The following KIF1A variants were observed in gnomAD, a reference collection of about 807,000 sequenced individuals.
The protein encoded by KIF1A is kinesin family member 1A.
Under a neutral mutation model 227.3 loss-of-function variants are expected in KIF1A, and 46 were observed. The observed-to-expected ratio is 0.20, with a 90% CI of 0.16 to 0.26. The LOEUF is 0.26. Among genes scored for constraint, KIF1A ranks in the 10% least tolerant of loss-of-function variants. The pLI is 1.00. For synonymous variants in KIF1A, 1,022 were observed against 1,012.8 expected (o/e 1.01, Z -0.17); for missense variants, 1,683 against 2,485.9 (o/e 0.68, Z 6.87).
chr2:240,726,784 G>T lies in KIF1A; in HGVS notation c.4122+42C>A. 3 of 1,215,898 alleles carry T rather than the reference G, an allele frequency of 2.5e-6. No homozygotes were observed. Among genetic ancestry groups the T allele is most frequent in the East Asian group, 2.4e-5 (1 of 41,458 alleles). The allele number at this position is 1,215,898 out of a possible 1,614,324, so 75.3% of individuals were successfully genotyped here. ...CTTACAAGAACCTCAAGCTTCAGGG[G>T]CTGAGTGGTTTTGGTGGAGTGCCCT... On this transcript the variant is annotated intron_variant, in intron 39 of 48. Coordinates refer to ENST00000498729, the MANE Select transcript of KIF1A (RefSeq NM_001244008.2). This position sits in a 1 kb window ranked among gnomAD's most constrained non-coding sequence, Gnocchi z 5.2.
chr2:240,814,215 A>G (rs1475551823), intron 1 of KIF1A, among the ~76,000 whole-genome samples: 1 of 152,114 alleles, frequency 6.6e-6, no homozygotes, highest in African/African-American at 2.4e-5. Context: ...GTGCCAATAA[A>G]TGCGAACCCC....
intron 1 of KIF1A, among the ~76,000 whole-genome samples, chr2:240,812,952 C>T (rs2058035550): frequency 7.0e-6 from 1 of 142,054 alleles, no homozygotes; most frequent in Non-Finnish European, 1.5e-5. Context: ...CCGCCTTCAC[C>T]TCAAGGATCC....
Position 240,775,838 on chromosome 2 carries a change from C to A in KIF1A, c.958+13G>T, listed in dbSNP as rs763694632. 6.3e-7 allele frequency: 1 copy of A among 1,585,120 alleles called. No individual in the cohort carries two copies. The highest frequency in any genetic ancestry group is 8.7e-7 in the Non-Finnish European group (1 of 1,153,490). On this transcript the variant is annotated intron_variant, in intron 11 of 48. Transcript: ENST00000498729. The surrounding 1 kb of genome is among the most constrained non-coding windows in gnomAD (Gnocchi z 5.5). The stretch of plus-strand genomic sequence containing the variant: ...TCAGAGCCCTGGGGACAGGCAAACC[C>A]ACAAGTTCTCACCCAGGTTTTCCCG...
intron 40 of KIF1A, chr2:240,724,921 A>C: frequency 5.4e-6 from 1 of 186,592 alleles, no homozygotes; most frequent in Admixed American, 9.2e-5. Context: ...TCAGGGAAGA[A>C]GGTCACCGGC....
chr2:240,820,181 G>C lies in KIF1A; in HGVS notation c.-120C>G, dbSNP rs1172839211. ...CACTGGCATGGGCGCGGGCTCTCGA[G>C]CCCGGAGCTGCTGCCGCTCGCCGGC... On this transcript the variant is annotated 5_prime_UTR_variant, in exon 1 of 49. Transcript: ENST00000498729. The surrounding 1 kb of genome is among the most constrained non-coding windows in gnomAD (Gnocchi z 6.2). 2 of 149,360 alleles carry C rather than the reference G, an allele frequency of 1.3e-5. No individual in the cohort carries two copies. The highest frequency in any genetic ancestry group is 4.9e-5 in the African/African-American group (2 of 41,034). The allele number at this position is 149,360 out of a possible 1,614,324, so 9.3% of individuals were successfully genotyped here.
At chr2:240,781,757 G>A (rs1007819276) in intron 10 of KIF1A, 1 of 985,046 alleles carries the variant, frequency 1.0e-6, no homozygotes, top group African/African-American at 1.8e-5. Context: ...TCCCCACACA[G>A]TTCCCCACAG....
rs768470447 is a variant in KIF1A at position 240,723,441 on chromosome 2, T to G, written c.4436A>C (p.Glu1479Ala). The change falls in exon 42 of 49, where the codon GAG becomes GCG. Residue 1479 changes from glutamate to alanine, a missense_variant. Transcript: ENST00000498729. ...SDSLILDHQW[E>A]LEKLSLLQEV... ...CTGCAGGAGGCTCAGCTTCTCCAGC[T>G]CCCACTGGTGGTCCAGAATGAGACT... The G allele has an allele frequency of 1.3e-6, 2 of 1,551,770 alleles. No individual in the cohort carries two copies. Among genetic ancestry groups the G allele is most frequent in the Non-Finnish European group, 1.7e-6 (2 of 1,147,758 alleles).
intron 14 of KIF1A, among the ~76,000 whole-genome samples, chr2:240,771,871 C>T (rs1181646470): frequency 6.6e-6 from 1 of 152,208 alleles, no homozygotes; most frequent in Admixed American, 6.5e-5. Context: ...GGGGCTGTGA[C>T]ATCTCTGAAG....
intron 38 of KIF1A, among the ~76,000 whole-genome samples, chr2:240,733,418 C>A (rs1368822828): frequency 6.6e-6 from 1 of 152,174 alleles, no homozygotes; most frequent in Non-Finnish European, 1.5e-5. Context: ...GCCGTGCTCC[C>A]TCCTCAGCCC....
intron 29 of KIF1A, 98 bp downstream of exon 29, chr2:240,747,138 G>T (rs375897560): frequency 2.5e-6 from 2 of 810,954 alleles, no homozygotes; most frequent in African/African-American, 1.7e-5. Context: ...CTCAGGGCCC[G>T]TGGGATGGGA....
chr2:240,744,301 C>G (rs1459546006), intron 32 of KIF1A, among the ~76,000 whole-genome samples: 3 of 152,136 alleles, frequency 2.0e-5, no homozygotes, highest in African/African-American at 7.2e-5. Flanking sequence ...CGAACAGGGG[C>G]CGCGTGGCTC....
chr2:240,812,804 C>A (rs2057987494), intron 1 of KIF1A, among the ~76,000 whole-genome samples: 1 of 148,998 alleles, frequency 6.7e-6, no homozygotes, highest in Non-Finnish European at 1.5e-5. Flanking sequence ...GCCTTCACCT[C>A]AAGATCCACC....
At chr2:240,738,746 G>A (rs1005857935) in intron 37 of KIF1A, among the ~76,000 whole-genome samples, 19 of 152,204 alleles carry the variant, frequency 1.2e-4, no homozygotes, top group Non-Finnish European at 2.5e-4. Context: ...AAGAAGGTGG[G>A]GAGAAGGTGG....
chr2:240,769,418 G>A (rs2051636905), intron 16 of KIF1A, among the ~76,000 whole-genome samples: 2 of 152,158 alleles, frequency 1.3e-5, no homozygotes, highest in African/African-American at 2.4e-5. Flanking sequence ...CAGGCCTCAG[G>A]TCTCTCAGGC....
chr2:240,737,035 C>A (rs751275146), intron 38 of KIF1A, 28 bp downstream of exon 38: 2 of 1,554,750 alleles, frequency 1.3e-6, no homozygotes, highest in Non-Finnish European at 1.8e-6. Flanking sequence ...ATGCCCTGGG[C>A]CCTGTCTCCA....
chr2:240,756,798 CCT>C (rs1161600044), intron 27 of KIF1A, among the ~76,000 whole-genome samples: 2 of 152,240 alleles, frequency 1.3e-5, no homozygotes, highest in Non-Finnish European at 2.9e-5. Flanking sequence ...CAGCCGGGAG[CCT>C]CTGTCTCTTC....
At position 240,740,989 on chromosome 2, in the gene KIF1A, C is replaced by G. The variant is rs1408637855; in HGVS notation, c.3749+280G>C. Among the ~76,000 whole-genome samples the G allele has an allele frequency of 6.6e-6, 1 of 152,156 alleles. No individual in the cohort carries two copies. The highest frequency in any genetic ancestry group is 1.9e-4 in the East Asian group (1 of 5,190). On this transcript the variant is annotated intron_variant, in intron 35 of 48. Transcript: ENST00000498729. The surrounding 1 kb of genome is among the most constrained non-coding windows in gnomAD (Gnocchi z 6.1). ...CTCCCTGCCCTGCCCCTGAGCCATA[C>G]CCTGGTTTGCTGTCCTAGTGCTCAG...
At chr2:240,755,425 T>C (rs886249221) in intron 27 of KIF1A, among the ~76,000 whole-genome samples, 1 of 152,094 alleles carries the variant, frequency 6.6e-6, no homozygotes, top group Non-Finnish European at 1.5e-5. Flanking sequence ...CAGGGAAGCC[T>C]TTCCAGAGGG....
At position 240,739,722 on chromosome 2, in the gene KIF1A, C is replaced by T. The variant is rs1164512823; in HGVS notation, c.3901+336G>A. On this transcript the variant is annotated intron_variant, in intron 37 of 48. Coordinates refer to ENST00000498729, the MANE Select transcript of KIF1A (RefSeq NM_001244008.2). The surrounding 1 kb of genome is among the most constrained non-coding windows in gnomAD (Gnocchi z 5.6). ...CAACAGGTTTCAGAGAGAGAGAGCG[C>T]GCCTCTTGCCGGCACCTTGATTTTG... Among the ~76,000 whole-genome samples, 2 of 152,120 alleles carry T rather than the reference C, an allele frequency of 1.3e-5. No individual in the cohort carries two copies. The highest frequency in any genetic ancestry group is 6.5e-5 in the Admixed American group (1 of 15,282).
Sources: gnomAD v4.1 joint callset for allele counts (sites outside exome capture counted in the v4.1 genomes callset) on GRCh38, gnomAD v4.1.1 for gene constraint, Gnocchi (gnomAD v3.1) non-coding constraint, MANE v1.5 for transcripts, NCBI Gene and HGNC (gene_info 2026-07-23, HGNC 2026-07-21) for gene names.